The following HRH1 variants were observed in gnomAD, a reference collection of about 807,000 sequenced individuals.
HRH1 encodes histamine H1 receptor.
In HRH1, 6 loss-of-function variants were observed where a neutral mutation model predicts 10.3. The observed-to-expected ratio is 0.58, with a 90% CI of 0.32 to 1.15. HRH1 has a LOEUF of 1.15. Among genes scored for constraint, HRH1 ranks in the 50% most tolerant of loss-of-function variants. The pLI is 0.05. For missense variants in HRH1, 514 were observed against 615.3 expected, an observed-to-expected ratio of 0.84 and a Z score of 1.74; for synonymous variants, 242 against 236.7, an observed-to-expected ratio of 1.02 and a Z score of -0.21.
chr3:11,227,506 C>G (rs1340468166), intron 1 of HRH1, among the ~76,000 whole-genome samples: 3 of 152,050 alleles, frequency 2.0e-5, no homozygotes, highest in Non-Finnish European at 4.4e-5. Flanking sequence ...AGGCTGGTCT[C>G]AAACTCCTGA....
chr3:11,163,153 T>G (rs1936958766), intron 1 of HRH1, among the ~76,000 whole-genome samples: 1 of 152,094 alleles, frequency 6.6e-6, no homozygotes, highest in Admixed American at 6.6e-5. Flanking sequence ...ACCGCGTGTT[T>G]CCCGAGCTCC....
intron 1 of HRH1, among the ~76,000 whole-genome samples, chr3:11,143,758 C>T (rs534188986): frequency 1.2e-4 from 18 of 152,298 alleles, no homozygotes; most frequent in African/African-American, 4.3e-4. Context: ...GACTACCCAC[C>T]ATCCCCTGAG....
intron 1 of HRH1, among the ~76,000 whole-genome samples, chr3:11,165,440 G>A (rs1212569522): frequency 6.6e-6 from 1 of 152,132 alleles, no homozygotes; most frequent in Non-Finnish European, 1.5e-5. Context: ...GATATTAAGT[G>A]CTCCCCAATA....
At chr3:11,228,255 G>C (rs1023746541) in intron 1 of HRH1, among the ~76,000 whole-genome samples, 9 of 151,566 alleles carry the variant, frequency 5.9e-5, no homozygotes, top group East Asian at 3.9e-4. Flanking sequence ...ACAGTGGCTC[G>C]TGCCTGTAAT....
intron 1 of HRH1, among the ~76,000 whole-genome samples, chr3:11,196,037 G>A (rs996684484): frequency 6.6e-6 from 1 of 152,170 alleles, no homozygotes; most frequent in African/African-American, 2.4e-5. Context: ...CCGCACTCTG[G>A]CCCCGCCAAG....
chr3:11,227,743 C>G (rs1314539258), intron 1 of HRH1, among the ~76,000 whole-genome samples: 4 of 152,174 alleles, frequency 2.6e-5, no homozygotes, highest in Non-Finnish European at 4.4e-5. Context: ...GCCCACACCC[C>G]CTAGGAACTT....
At chr3:11,191,628 G>A (rs2125021616) in intron 1 of HRH1, among the ~76,000 whole-genome samples, 1 of 152,314 alleles carries the variant, frequency 6.6e-6, no homozygotes, top group South Asian at 2.1e-4. Flanking sequence ...CAGTGCCAAA[G>A]TCCCCAGAAC....
At chr3:11,219,919 ATTTAT>A (rs1938645797) in intron 1 of HRH1, among the ~76,000 whole-genome samples, 1 of 125,822 alleles carries the variant, frequency 7.9e-6, no homozygotes, top group South Asian at 2.5e-4. Context: ...TTTCTTTCTT[ATTTAT>A]TTTAATTGTG....
chr3:11,241,229 T>C (rs1204259600), intron 1 of HRH1, among the ~76,000 whole-genome samples: 1 of 152,226 alleles, frequency 6.6e-6, no homozygotes, highest in African/African-American at 2.4e-5. Flanking sequence ...AGATTCACCC[T>C]GGATAGAAGC....
intron 1 of HRH1, among the ~76,000 whole-genome samples, chr3:11,175,715 T>C (rs897459681): frequency 1.3e-5 from 2 of 152,182 alleles, no homozygotes; most frequent in Non-Finnish European, 2.9e-5. Flanking sequence ...TGTAACCACA[T>C]CTAGAATCAG....
At chr3:11,234,724 G>T in intron 1 of HRH1, 1 of 879,932 alleles carries the variant, frequency 1.1e-6, no homozygotes, top group Admixed American at 1.7e-5. Context: ...GGCGGTGGCA[G>T]CAGCTGTAGC....
intron 1 of HRH1, chr3:11,234,685 G>T: frequency 8.8e-7 from 1 of 1,131,136 alleles, no homozygotes; most frequent in East Asian, 2.3e-5. Flanking sequence ...GGACATGGCT[G>T]CAGCCCTGCC....
At chr3:11,150,349 A>G (rs1324004472), upstream of HRH1, among the ~76,000 whole-genome samples, 1 of 152,252 alleles carries the variant, frequency 6.6e-6, no homozygotes, top group African/African-American at 2.4e-5. Flanking sequence ...CAGGAAACAA[A>G]TCAAGAGAAG....
At chr3:11,174,879 T>C (rs1937220188) in intron 1 of HRH1, among the ~76,000 whole-genome samples, 1 of 152,160 alleles carries the variant, frequency 6.6e-6, no homozygotes, top group Non-Finnish European at 1.5e-5. Flanking sequence ...TGGGTAGCTG[T>C]TGGGCAATAG....
intron 1 of HRH1, among the ~76,000 whole-genome samples, chr3:11,185,052 A>T (rs200138139): frequency 6.9e-6 from 1 of 144,998 alleles, no homozygotes; most frequent in East Asian, 2.0e-4. Flanking sequence ...AAAAAAAAAA[A>T]CCCTGCCAGT....
intron 1 of HRH1, among the ~76,000 whole-genome samples, chr3:11,162,784 C>A (rs986661075): frequency 6.6e-6 from 1 of 152,152 alleles, no homozygotes; most frequent in Non-Finnish European, 1.5e-5. Flanking sequence ...TGTGGTGAGG[C>A]TGAATGAGCT....
chr3:11,208,704 T>C (rs1357154810), intron 1 of HRH1, among the ~76,000 whole-genome samples: 2 of 152,252 alleles, frequency 1.3e-5, no homozygotes, highest in East Asian at 1.9e-4. Context: ...CACTTTCCCA[T>C]GTCAGCAGAG....
intron 1 of HRH1, among the ~76,000 whole-genome samples, chr3:11,192,352 G>A (rs542802007): frequency 3.3e-5 from 5 of 149,736 alleles, no homozygotes; most frequent in Admixed American, 1.3e-4. Context: ...GGTTTTTTTC[G>A]CTTTTAGCTC....
chr3:11,158,683 G>C (rs1211226751), intron 1 of HRH1, among the ~76,000 whole-genome samples: 1 of 151,944 alleles, frequency 6.6e-6, no homozygotes, highest in Non-Finnish European at 1.5e-5. Flanking sequence ...TTGATAATTT[G>C]TATGCTATTA....
Sources: gnomAD v4.1 joint callset for allele counts (sites outside exome capture counted in the v4.1 genomes callset) on GRCh38, gnomAD v4.1.1 for gene constraint, MANE v1.5 for transcripts, NCBI Gene and HGNC (gene_info 2026-07-23, HGNC 2026-07-21) for gene names.